The following CALN1 variants were observed in gnomAD, a reference collection of about 807,000 sequenced individuals.
CALN1 encodes the protein calneuron 1.
In CALN1, 17 loss-of-function variants were observed where a neutral mutation model predicts 30.6. The ratio of observed to expected loss-of-function variants is 0.56; its 90% CI spans 0.38 to 0.83. CALN1 has a LOEUF of 0.83. Among genes scored for constraint, CALN1 ranks in the 40% least tolerant of loss-of-function variants. The pLI is 0.00. For synonymous variants in CALN1, 156 were observed against 131.4 expected (o/e 1.19, Z -1.28); for missense variants, 291 against 354.9 (o/e 0.82, Z 1.45).
chr7:72,343,164 T>A (rs574268823), intron 2 of CALN1, among the ~76,000 whole-genome samples: 1 of 152,196 alleles, frequency 6.6e-6, no homozygotes, highest in African/African-American at 2.4e-5. Flanking sequence ...TTTGGAAAAC[T>A]CTTGGAGGAA....
intron 5 of CALN1, among the ~76,000 whole-genome samples, chr7:71,934,056 T>C (rs1260067018): frequency 6.6e-6 from 1 of 152,208 alleles, no homozygotes; most frequent in African/African-American, 2.4e-5. Flanking sequence ...AGTTTTTGCA[T>C]TGAAGCTCCC....
At chr7:72,284,075 G>C (rs1052606627) in intron 2 of CALN1, among the ~76,000 whole-genome samples, 1 of 152,158 alleles carries the variant, frequency 6.6e-6, no homozygotes, top group Non-Finnish European at 1.5e-5. Context: ...AAGATTACTT[G>C]AGGCTAGGAG....
chr7:72,080,542 T>C (rs1190681125), intron 4 of CALN1, among the ~76,000 whole-genome samples: 1 of 152,168 alleles, frequency 6.6e-6, no homozygotes, highest in Non-Finnish European at 1.5e-5. Flanking sequence ...AAGCTGGTTG[T>C]TAATTGTGAA....
intron 3 of CALN1, among the ~76,000 whole-genome samples, chr7:72,202,947 C>T (rs536436901): frequency 7.9e-5 from 12 of 152,154 alleles, no homozygotes; most frequent in African/African-American, 2.9e-4. Context: ...AAATGCCCAT[C>T]GATGATAAAC....
At chr7:72,334,294 C>G (rs1801861074) in intron 2 of CALN1, among the ~76,000 whole-genome samples, 2 of 152,162 alleles carry the variant, frequency 1.3e-5, no homozygotes, top group Non-Finnish European at 2.9e-5. Flanking sequence ...GTGGTCAATA[C>G]AAGAATGTGG....
At chr7:71,793,175 G>A (rs1418997522) in intron 6 of CALN1, among the ~76,000 whole-genome samples, 3 of 151,994 alleles carry the variant, frequency 2.0e-5, no homozygotes, top group African/African-American at 7.2e-5. Context: ...GCATGGTGGC[G>A]GGCGCCTGTA....
intron 5 of CALN1, among the ~76,000 whole-genome samples, chr7:71,912,650 G>C (rs1014916744): frequency 3.3e-5 from 5 of 152,188 alleles, no homozygotes; most frequent in Non-Finnish European, 7.3e-5. Context: ...GAACTTGGCA[G>C]TAGAGAGCGA....
At position 71,787,720 on chromosome 7, in the gene CALN1, G is replaced by A. The variant is rs747229209; in HGVS notation, c.*55C>T. 31 of 1,600,756 alleles carry A rather than the reference G, an allele frequency of 1.9e-5. No homozygotes were observed. Among genetic ancestry groups the A allele is most frequent in the African/African-American group, 1.2e-4 (9 of 74,748 alleles). On this transcript the variant is annotated 3_prime_UTR_variant, in exon 7 of 7. Coordinates refer to ENST00000395275, the MANE Select transcript of CALN1 (RefSeq NM_031468.4). ...TGCTGTGTGGAGGAAGAGTCTGCCCGCACGGCATGCACATGCGCGGTGAGC... is the reference window on the plus strand; with the variant it reads ...TGCTGTGTGGAGGAAGAGTCTGCCCACACGGCATGCACATGCGCGGTGAGC...
At chr7:71,897,456 C>G (rs1793592166) in intron 5 of CALN1, among the ~76,000 whole-genome samples, 1 of 152,026 alleles carries the variant, frequency 6.6e-6, no homozygotes, top group Non-Finnish European at 1.5e-5. Flanking sequence ...TTGGTAAACA[C>G]CAGCTCAGCA....
chr7:71,923,386 T>C (rs1376660713), intron 5 of CALN1, among the ~76,000 whole-genome samples: 1 of 152,164 alleles, frequency 6.6e-6, no homozygotes, highest in African/African-American at 2.4e-5. Context: ...GAAGGAAGAA[T>C]GCATTTTATT....
Position 71,784,732 on chromosome 7 carries a change from T to C in CALN1, c.*3043A>G, listed in dbSNP as rs1483052141. ...CACACAGTTGGGCAGCCAAGGTCAC[T>C]GGTTCCTAAGTCCGGAGGACAGAAT... On this transcript the variant is annotated 3_prime_UTR_variant, in exon 7 of 7. Transcript: ENST00000395275. 7.5e-6 allele frequency: 3 copies of C among 398,368 alleles called. No individual in the cohort carries two copies. Among genetic ancestry groups the C allele is most frequent in the Non-Finnish European group, 1.3e-5 (3 of 226,036 alleles). The allele number at this position is 398,368 out of a possible 1,614,324, so 24.7% of individuals were successfully genotyped here.
At chr7:72,293,009 CTGT>C (rs1350319168) in intron 2 of CALN1, among the ~76,000 whole-genome samples, 2 of 152,132 alleles carry the variant, frequency 1.3e-5, no homozygotes, top group South Asian at 2.1e-4. Flanking sequence ...AGGGAGGTTC[CTGT>C]TGTTCAGTAG....
chr7:71,797,762 C>A (rs1420375569), intron 6 of CALN1, among the ~76,000 whole-genome samples: 3 of 152,076 alleles, frequency 2.0e-5, no homozygotes, highest in Non-Finnish European at 1.5e-5. Context: ...GTTCTAATAA[C>A]AAAATTCATC....
chr7:72,277,198 A>T (rs1299896397), intron 3 of CALN1, among the ~76,000 whole-genome samples: 1 of 150,132 alleles, frequency 6.7e-6, no homozygotes, highest in Admixed American at 6.6e-5. Flanking sequence ...CAAGCCTCCC[A>T]AACTGTGAGA....
intron 2 of CALN1, among the ~76,000 whole-genome samples, chr7:72,283,630 G>C (rs1166478081): frequency 2.0e-5 from 3 of 152,236 alleles, no homozygotes; most frequent in Non-Finnish European, 4.4e-5. Flanking sequence ...ATATGAAGCA[G>C]GATGCAGGGG....
At chr7:72,317,017 A>G (rs1800507140) in intron 2 of CALN1, among the ~76,000 whole-genome samples, 1 of 148,626 alleles carries the variant, frequency 6.7e-6, no homozygotes, top group Non-Finnish European at 1.5e-5. Context: ...AGGAAGAAGG[A>G]AGGAAAGGAG....
intron 4 of CALN1, among the ~76,000 whole-genome samples, chr7:72,066,792 T>G (rs565898056): frequency 6.6e-6 from 1 of 151,708 alleles, no homozygotes; most frequent in South Asian, 2.1e-4. Flanking sequence ...ATTTTATTTT[T>G]TTTTTTTGAG....
At chr7:72,451,188 GAGAAGAAGA>G (rs758368072), upstream of CALN1, among the ~76,000 whole-genome samples, 9 of 125,014 alleles carry the variant, frequency 7.2e-5, no homozygotes, top group Non-Finnish European at 9.3e-5. Flanking sequence ...GCAGGAGGAG[GAGAAGAAGA>G]AGAAGAAGAA....
the CALN1 span, among the ~76,000 whole-genome samples, chr7:72,481,870 T>G: frequency 6.6e-6 from 1 of 152,212 alleles, no homozygotes; most frequent in African/African-American, 2.4e-5. Flanking sequence ...CATTTGAGAC[T>G]TGTATGTTCT....
Sources: gnomAD v4.1 joint callset for allele counts (sites outside exome capture counted in the v4.1 genomes callset) on GRCh38, gnomAD v4.1.1 for gene constraint, MANE v1.5 for transcripts, NCBI Gene and HGNC (gene_info 2026-07-23, HGNC 2026-07-21) for gene names.